Variants in SYT1 observed in about 807,000 individuals in gnomAD.
SYT1 encodes the protein synaptotagmin-1.
A neutral mutation model predicts 44.8 loss-of-function variants in SYT1; 8 were observed. The observed-to-expected ratio is 0.18, with a 90% confidence interval of 0.10 to 0.32. The LOEUF is 0.32. Among genes scored for constraint, SYT1 ranks in the 10% least tolerant of loss-of-function variants. The probability of loss-of-function intolerance (pLI) is 1.00; values close to 1 mark genes in which losing one functional copy is unlikely to be tolerated. For missense variants in SYT1, 286 were observed against 509.3 expected (o/e 0.56, Z 4.22); for synonymous variants, 154 against 188.8 (o/e 0.82, Z 1.51).
At chr12:78,992,565 T>C (rs975992444) in intron 2 of SYT1, among the ~76,000 whole-genome samples, 10 of 152,224 alleles carry the variant, frequency 6.6e-5, no homozygotes, top group African/African-American at 2.4e-4. Flanking sequence ...GAAATTGTGC[T>C]GTAAAATGTA....
chr12:79,111,554 A>G (rs1879011590), intron 3 of SYT1, among the ~76,000 whole-genome samples: 2 of 152,210 alleles, frequency 1.3e-5, no homozygotes, highest in South Asian at 4.1e-4. Context: ...CACAGACTCA[A>G]CACTCAAGAA....
intron 4 of SYT1, among the ~76,000 whole-genome samples, chr12:79,247,568 G>A (rs1415660359): frequency 6.6e-6 from 1 of 152,064 alleles, no homozygotes; most frequent in African/African-American, 2.4e-5. Context: ...AATTGAGAAA[G>A]GTAAAAACAT....
At chr12:79,348,772 C>T (rs1471589047) in intron 8 of SYT1, among the ~76,000 whole-genome samples, 1 of 151,124 alleles carries the variant, frequency 6.6e-6, no homozygotes, top group Non-Finnish European at 1.5e-5. Context: ...TTGGTAGTAG[C>T]AGAGGTCATA....
chr12:78,905,658 T>C (rs1875937497), intron 1 of SYT1, among the ~76,000 whole-genome samples: 1 of 152,136 alleles, frequency 6.6e-6, no homozygotes, highest in Non-Finnish European at 1.5e-5. Flanking sequence ...TTACTGTTGT[T>C]TATTTTCATT....
chr12:78,952,769 T>C (rs574641615), intron 1 of SYT1, among the ~76,000 whole-genome samples: 29 of 152,218 alleles, frequency 1.9e-4, no homozygotes, highest in African/African-American at 7.0e-4. Flanking sequence ...AAGGAGGTTG[T>C]TCGGGATGAC....
intron 3 of SYT1, among the ~76,000 whole-genome samples, chr12:79,137,151 A>G (rs897701402): frequency 2.0e-5 from 3 of 151,730 alleles, no homozygotes; most frequent in African/African-American, 4.8e-5. Context: ...CCTGGAGTGC[A>G]ATGGTGCAAT....
chr12:78,878,403 A>G (rs539245813), intron 1 of SYT1, among the ~76,000 whole-genome samples: 1 of 151,944 alleles, frequency 6.6e-6, no homozygotes, highest in Non-Finnish European at 1.5e-5. Context: ...TTCAGTGCTA[A>G]CATGTGAAGG....
intron 1 of SYT1, among the ~76,000 whole-genome samples, chr12:78,915,427 G>A (rs1456835125): frequency 2.0e-5 from 3 of 151,994 alleles, no homozygotes; most frequent in Admixed American, 6.6e-5. Flanking sequence ...TGATAGACTC[G>A]AAGGAGGGTG....
At chr12:79,074,522 C>T (rs1413735977) in intron 3 of SYT1, among the ~76,000 whole-genome samples, 2 of 152,126 alleles carry the variant, frequency 1.3e-5, no homozygotes, top group Non-Finnish European at 2.9e-5. Flanking sequence ...TCTACTTGTT[C>T]TCTGATTTCT....
At chr12:79,052,741 C>T (rs1436176503) in intron 3 of SYT1, among the ~76,000 whole-genome samples, 1 of 150,216 alleles carries the variant, frequency 6.7e-6, no homozygotes, top group Non-Finnish European at 1.5e-5. Context: ...ATGCAGCCAA[C>T]AGACACATGA....
At chr12:79,332,376 C>T (rs1219101258) in intron 8 of SYT1, among the ~76,000 whole-genome samples, 1 of 152,100 alleles carries the variant, frequency 6.6e-6, no homozygotes, top group Admixed American at 6.5e-5. Flanking sequence ...CTAGGCAAAC[C>T]AGATGGAAAC....
Position 79,236,933 on chromosome 12 carries a change from A to T in SYT1, c.166+19248A>T, listed in dbSNP as rs144625453. Among the ~76,000 whole-genome samples, 224 of 152,344 alleles carry T rather than the reference A, an allele frequency of 1.5e-3. 3 individuals are homozygous for T. The highest frequency in any genetic ancestry group is 5.0e-3 in the African/African-American group (208 of 41,586). ...ATCAGGCTGAGGTTAGACTTTATTT[A>T]ATAGTTAAAGATGAGCCAGGAACCA... On this transcript the variant is annotated intron_variant, in intron 4 of 10. Coordinates refer to ENST00000261205, the MANE Select transcript of SYT1 (RefSeq NM_005639.3).
At position 79,031,724 on chromosome 12, in the gene SYT1, A is replaced by G. The variant is rs549311258; in HGVS notation, c.-83-15573A>G. On this transcript the variant is annotated intron_variant, in intron 2 of 10. Transcript: ENST00000261205. Reference sequence around the variant, plus strand: ...AGGTTAGTAAGGTTTGAGGTGTAGTAATTATCAGACTGGGAAAGAGGAAAA... The same window carrying G: ...AGGTTAGTAAGGTTTGAGGTGTAGTGATTATCAGACTGGGAAAGAGGAAAA... Among the ~76,000 whole-genome samples the G allele has an allele frequency of 4.6e-5, 7 of 151,258 alleles. 1 individual carries two copies. In the East Asian group the frequency reaches 1.4e-3, roughly 29 times the overall value.
intron 9 of SYT1, among the ~76,000 whole-genome samples, chr12:79,414,132 C>T (rs973837291): frequency 2.0e-5 from 3 of 152,160 alleles, no homozygotes; most frequent in Non-Finnish European, 4.4e-5. Flanking sequence ...TTTTCTTCCT[C>T]TATAGGAGAA....
At chr12:79,128,845 T>C (rs1364059666) in intron 3 of SYT1, among the ~76,000 whole-genome samples, 2 of 152,250 alleles carry the variant, frequency 1.3e-5, no homozygotes, top group Non-Finnish European at 2.9e-5. Flanking sequence ...TTCCTGTCAG[T>C]TCTTCCTACT....
chr12:78,897,263 C>T (rs573400385), intron 1 of SYT1, among the ~76,000 whole-genome samples: 1 of 151,324 alleles, frequency 6.6e-6, no homozygotes, highest in Non-Finnish European at 1.5e-5. Context: ...TGTCAAATAC[C>T]AGGATACTTT....
At chr12:79,268,997 C>T (rs954148268) in intron 4 of SYT1, among the ~76,000 whole-genome samples, 7 of 151,960 alleles carry the variant, frequency 4.6e-5, no homozygotes, top group South Asian at 4.2e-4. Flanking sequence ...CTATTTTCAC[C>T]GTGGAGCAAG....
rs117290805 is a variant in SYT1 at position 79,035,438 on chromosome 12, C to A, written c.-83-11859C>A. 2.6e-5 allele frequency among the ~76,000 whole-genome samples: 4 copies of A among 151,780 alleles called. No homozygotes were observed. In the East Asian group the frequency reaches 7.8e-4, roughly 30 times the overall value. On this transcript the variant is annotated intron_variant, in intron 2 of 10. Coordinates refer to ENST00000261205, the MANE Select transcript of SYT1 (RefSeq NM_005639.3). ...TGTAAAGATTTTTGGTTGGCTTCTC[C>A]TTTTTATGAAGCCAACAATTATGTA...
At chr12:79,093,894 A>T (rs1022164995) in intron 3 of SYT1, among the ~76,000 whole-genome samples, 29 of 151,800 alleles carry the variant, frequency 1.9e-4, no homozygotes, top group African/African-American at 6.5e-4. Context: ...TAGGAAGTAA[A>T]CAATCTTGAA....
Sources: allele counts gnomAD v4.1 joint callset (sites outside exome capture counted in the v4.1 genomes callset), GRCh38; gene constraint gnomAD v4.1.1; transcripts MANE v1.5; gene names NCBI Gene and HGNC (gene_info 2026-07-23, HGNC 2026-07-21).